SLC38A9: variants seen among roughly 807,000 people sequenced by gnomAD.
SLC38A9 encodes solute carrier family 38 member 9.
Under a neutral mutation model 62.3 loss-of-function variants are expected in SLC38A9, and 48 were observed. The observed-to-expected ratio is 0.77, with a 90% CI of 0.61 to 0.98. SLC38A9 has a LOEUF of 0.98. Ranked by LOEUF, SLC38A9 falls within the 50% of genes least tolerant of loss-of-function variation. The probability of loss-of-function intolerance (pLI) is 0.00; values close to 1 mark genes in which losing one functional copy is unlikely to be tolerated. For missense variants in SLC38A9, 541 were observed against 679.8 expected, an observed-to-expected ratio of 0.80 and a Z score of 2.27; for synonymous variants, 204 against 227.7, an observed-to-expected ratio of 0.90 and a Z score of 0.94.
intron 10 of SLC38A9, among the ~76,000 whole-genome samples, chr5:55,651,766 A>AT (rs1747520055): frequency 2.0e-5 from 3 of 152,178 alleles, no homozygotes; most frequent in African/African-American, 7.2e-5. Flanking sequence ...ACTCTTAGAG[A>AT]CTGTAGGAAA....
intron 3 of SLC38A9, among the ~76,000 whole-genome samples, chr5:55,689,141 T>C (rs1162506008): frequency 1.3e-5 from 2 of 152,184 alleles, no homozygotes; most frequent in Admixed American, 6.5e-5. Flanking sequence ...TATAAACTAC[T>C]GAAGTAGAAA....
chr5:55,630,575 C>G (rs981164018), intron 14 of SLC38A9, among the ~76,000 whole-genome samples: 1 of 152,106 alleles, frequency 6.6e-6, no homozygotes, highest in Non-Finnish European at 1.5e-5. Flanking sequence ...CTTGGCCTCC[C>G]AAAGTGCTGG....
At position 55,697,865 on chromosome 5, in the gene SLC38A9, A is replaced by T. The variant is rs1257033746; in HGVS notation, c.94T>A (p.Ser32Thr). 1.3e-6 allele frequency: 2 copies of T among 1,587,100 alleles called. No homozygotes were observed. Among genetic ancestry groups the T allele is most frequent in the Non-Finnish European group, 1.7e-6 (2 of 1,168,682 alleles). Residue 32 changes from serine to threonine, a missense_variant, in exon 3 of 16, where the codon TCG becomes ACG. Ser to Thr is a moderately conservative substitution (Grantham distance 58). Coordinates refer to ENST00000396865, the MANE Select transcript of SLC38A9 (RefSeq NM_173514.4). ...GCTTACCTTTTGGATCTTAGATCCG[A>T]TGGCTCAAACTGGATATTCATAGGT... ...PGPMNIQFEP[S>T]DLRSKRPFCI... is the part of the protein sequence containing the mutation.
In SLC38A9 at chr5:55,681,000, A is replaced by C. The variant is rs530208994; in HGVS notation, c.114-8305T>G. The stretch of plus-strand genomic sequence containing the variant: ...ATTTTTATCCATAGGAAAGTTTTAC[A>C]AACTAAATATGAGATATTTTAGGAA... On this transcript the variant is annotated intron_variant, in intron 3 of 15. Coordinates refer to ENST00000396865, the MANE Select transcript of SLC38A9 (RefSeq NM_173514.4). Among the ~76,000 whole-genome samples the C allele has an allele frequency of 1.3e-3, 199 of 152,386 alleles. 1 individual carries two copies. The highest frequency in any genetic ancestry group is 0.01 in the Middle Eastern group (3 of 294).
chr5:55,685,235 A>G (rs1174960521), intron 3 of SLC38A9, among the ~76,000 whole-genome samples: 1 of 152,114 alleles, frequency 6.6e-6, no homozygotes, highest in Non-Finnish European at 1.5e-5. Context: ...GAACATTTTT[A>G]CCATCCCAAA....
chr5:55,635,686 T>C, intron 12 of SLC38A9, 29 bp from the exon 13 acceptor site: 3 of 1,451,326 alleles, frequency 2.1e-6, no homozygotes, highest in Non-Finnish European at 2.9e-6. Flanking sequence ...AGTCCCATAA[T>C]ACTGAAGAAC....
chr5:55,654,141 G>A (rs771667344), intron 9 of SLC38A9, among the ~76,000 whole-genome samples: 3 of 152,148 alleles, frequency 2.0e-5, no homozygotes, highest in Non-Finnish European at 4.4e-5. Flanking sequence ...CTCATCATTT[G>A]TCAAAGAGAA....
intron 1 of SLC38A9, among the ~76,000 whole-genome samples, chr5:55,711,782 G>A (rs1469127612): frequency 6.6e-6 from 1 of 152,140 alleles, no homozygotes; most frequent in Non-Finnish European, 1.5e-5. Context: ...TCAAGCCCAA[G>A]CGACGGAGCA....
Position 55,626,449 on chromosome 5 carries a change from G to A in SLC38A9, c.*45C>T, listed in dbSNP as rs2149994424. ...GAATTTATATAGAACTGTTGTCAAG[G>A]CTCAAAATATCATGAGAGCTCTTGA... On this transcript the variant is annotated 3_prime_UTR_variant, in exon 16 of 16. Coordinates refer to ENST00000396865, the MANE Select transcript of SLC38A9 (RefSeq NM_173514.4). 3.3e-6 allele frequency: 5 copies of A among 1,506,290 alleles called. No individual in the cohort carries two copies. Among genetic ancestry groups the A allele is most frequent in the East Asian group, 2.3e-5 (1 of 44,254 alleles). The allele number at this position is 1,506,290 out of a possible 1,614,324, so 93.3% of individuals were successfully genotyped here. A position where few individuals can be genotyped will look rare whatever the true frequency, so the allele number is the denominator to read the frequency against.
intron 3 of SLC38A9, among the ~76,000 whole-genome samples, chr5:55,688,871 T>C (rs1190833150): frequency 6.6e-6 from 1 of 152,190 alleles, no homozygotes; most frequent in Non-Finnish European, 1.5e-5. Context: ...CAGGCATAGC[T>C]ACACTCAAAG....
intron 3 of SLC38A9, among the ~76,000 whole-genome samples, 178 bp downstream of exon 3, chr5:55,697,668 A>T (rs1026302735): frequency 3.2e-4 from 48 of 150,714 alleles, no homozygotes; most frequent in Admixed American, 1.4e-3. Context: ...AAAAAAAAAA[A>T]AAAAAAATAT....
chr5:55,671,356 A>G (rs537101093), intron 4 of SLC38A9, among the ~76,000 whole-genome samples: 1 of 152,056 alleles, frequency 6.6e-6, no homozygotes, highest in East Asian at 1.9e-4. Context: ...AATTTTGATG[A>G]TCATAAACAA....
chr5:55,701,238 T>C (rs546171907), intron 2 of SLC38A9, among the ~76,000 whole-genome samples: 5 of 152,216 alleles, frequency 3.3e-5, no homozygotes, highest in African/African-American at 1.2e-4. Context: ...CTAAACTTCT[T>C]TTTTGAATTT....
Position 55,672,609 on chromosome 5 carries a change from C to A in SLC38A9, c.200G>T (p.Arg67Ile), listed in dbSNP as rs1406680367. Residue 67 changes from arginine (R) to isoleucine (I), a missense_variant, in exon 4 of 16, where the codon AGA (arginine) becomes ATA (isoleucine). Physicochemically the swap from Arg to Ile is moderately conservative, Grantham distance 97 (BLOSUM62 -3). Transcript: ENST00000396865. ...GGTGAGCCGGCTGTAGTAATGAATT[C>A]TCTTGTTCATGGCAGAGGCATGGTC... is the stretch of plus-strand genomic sequence containing the variant. ...VSDHASAMNK[R>I]IHYYSRLTTP... The A allele has an allele frequency of 1.2e-6, 2 of 1,614,026 alleles. No individual in the cohort carries two copies. Among genetic ancestry groups the A allele is most frequent in the Non-Finnish European group, 1.7e-6 (2 of 1,180,036 alleles).
chr5:55,692,574 C>T, intron 3 of SLC38A9: 1 of 971,190 alleles, frequency 1.0e-6, no homozygotes, highest in Non-Finnish European at 1.2e-6. Flanking sequence ...ATTTGCCTTT[C>T]TTAAAACATG....
rs918578412 is a variant in SLC38A9 at position 55,652,653 on chromosome 5, T to C, written c.828A>G (p.Thr276=). 1.2e-6 allele frequency: 2 copies of C among 1,613,694 alleles called. No homozygotes were observed. Among genetic ancestry groups the C allele is most frequent in the Non-Finnish European group, 1.7e-6 (2 of 1,179,728 alleles). The change falls in exon 10 of 16, where the codon ACA becomes ACG. Residue 276 remains threonine (T), a synonymous_variant. Coordinates refer to ENST00000396865, the MANE Select transcript of SLC38A9 (RefSeq NM_173514.4). The part of the protein sequence containing the change: ...NSSMIFYAND[T]GAQQFEKWWD... ...ACCACTTTTCAAACTGTTGGGCTCC[T>C]GTGTCATTGGCATAGAAAATCATAG...
intron 3 of SLC38A9, among the ~76,000 whole-genome samples, chr5:55,686,568 T>G (rs1753848609): frequency 6.6e-6 from 1 of 152,190 alleles, no homozygotes; most frequent in South Asian, 2.1e-4. Context: ...ACTCTGTAGG[T>G]TGTCTGTTTA....
At chr5:55,660,516 G>A (rs1308155820) in intron 8 of SLC38A9, among the ~76,000 whole-genome samples, 1 of 152,192 alleles carries the variant, frequency 6.6e-6, no homozygotes, top group Non-Finnish European at 1.5e-5. Context: ...AGATGGAAAT[G>A]TTCTATTTCT....
chr5:55,691,658 A>G (rs1276889569), intron 3 of SLC38A9, among the ~76,000 whole-genome samples: 2 of 152,232 alleles, frequency 1.3e-5, no homozygotes, highest in African/African-American at 2.4e-5. Flanking sequence ...AAGTCTGAGA[A>G]AAACAGGAAA....
Sources: gnomAD v4.1 joint callset for allele counts (sites outside exome capture counted in the v4.1 genomes callset) on GRCh38, gnomAD v4.1.1 for gene constraint, MANE v1.5 for transcripts, NCBI Gene and HGNC (gene_info 2026-07-23, HGNC 2026-07-21) for gene names.